Variants in SRGAP1 observed in about 807,000 individuals in gnomAD.
SRGAP1 encodes SLIT-ROBO Rho GTPase-activating protein 1.
SRGAP1 carries 43 observed loss-of-function variants against 121.9 expected under a neutral mutation model. The ratio of observed to expected loss-of-function variants is 0.35; its 90% CI spans 0.28 to 0.46. The LOEUF is 0.46. SRGAP1 is among the 20% of genes least tolerant of loss of function. SRGAP1 has a pLI of 1.00. For synonymous variants in SRGAP1, 447 were observed against 485.4 expected, an observed-to-expected ratio of 0.92 and a Z score of 1.04; for missense variants, 1,102 against 1,350.9, an observed-to-expected ratio of 0.82 and a Z score of 2.89.
chr12:64,089,980 A>T (rs1195861398), intron 11 of SRGAP1, among the ~76,000 whole-genome samples: 3 of 152,122 alleles, frequency 2.0e-5, no homozygotes, highest in African/African-American at 7.2e-5. Context: ...AAAAAGATAA[A>T]TTTTCCTAGA....
At chr12:64,006,419 G>A (rs568049920) in intron 3 of SRGAP1, among the ~76,000 whole-genome samples, 110 of 152,282 alleles carry the variant, frequency 7.2e-4, no homozygotes, top group Admixed American at 2.0e-3. Context: ...AGCCTATGGC[G>A]TGATGAAGGA....
At chr12:63,985,070 C>T (rs1377527471) in intron 2 of SRGAP1, among the ~76,000 whole-genome samples, 2 of 151,134 alleles carry the variant, frequency 1.3e-5, no homozygotes, top group Non-Finnish European at 2.9e-5. Flanking sequence ...CAGACAACTC[C>T]AGTGAAATAT....
intron 21 of SRGAP1, among the ~76,000 whole-genome samples, chr12:64,130,391 C>T (rs916589203): frequency 5.9e-5 from 9 of 152,182 alleles, no homozygotes; most frequent in South Asian, 2.1e-4. Context: ...CATAATGTCG[C>T]GGGAACAGGA....
chr12:64,015,090 TA>T (rs1366608212), intron 3 of SRGAP1, among the ~76,000 whole-genome samples: 3 of 152,186 alleles, frequency 2.0e-5, no homozygotes, highest in Non-Finnish European at 2.9e-5. Context: ...GTCCTGGGAT[TA>T]CAGGCATGAG....
chr12:64,086,762 G>A (rs1372083851), intron 10 of SRGAP1, among the ~76,000 whole-genome samples: 1 of 143,068 alleles, frequency 7.0e-6, no homozygotes, highest in African/African-American at 2.6e-5. Flanking sequence ...AAATTGCCAA[G>A]TGAAACATGA....
intron 1 of SRGAP1, among the ~76,000 whole-genome samples, chr12:63,973,291 C>A (rs1377461121): frequency 6.6e-6 from 1 of 152,276 alleles, no homozygotes; most frequent in South Asian, 2.1e-4. Context: ...GAAGCACAGG[C>A]CTGGGTCACT....
intron 1 of SRGAP1, among the ~76,000 whole-genome samples, chr12:63,866,116 C>T (rs1321279007): frequency 6.6e-6 from 1 of 152,124 alleles, no homozygotes; most frequent in Non-Finnish European, 1.5e-5. Flanking sequence ...TTTAGCTTTC[C>T]AATATGCTTC....
At chr12:63,959,539 C>A (rs911875554) in intron 1 of SRGAP1, among the ~76,000 whole-genome samples, 2 of 152,154 alleles carry the variant, frequency 1.3e-5, no homozygotes, top group African/African-American at 4.8e-5. Context: ...TGAGGATTTG[C>A]TGATAACGTT....
chr12:63,894,183 T>C (rs147463456), intron 1 of SRGAP1, among the ~76,000 whole-genome samples: 1 of 152,358 alleles, frequency 6.6e-6, no homozygotes, highest in African/African-American at 2.4e-5. Flanking sequence ...ACATTTGCTG[T>C]GTTCAAGGCA....
At chr12:64,052,790 A>G (rs1236555441) in intron 6 of SRGAP1, among the ~76,000 whole-genome samples, 1 of 152,132 alleles carries the variant, frequency 6.6e-6, no homozygotes, top group East Asian at 1.9e-4. Flanking sequence ...TATCTGTTGT[A>G]CAGAGTTCAG....
chr12:63,992,342 T>C (rs1311326170), intron 3 of SRGAP1, among the ~76,000 whole-genome samples: 1 of 152,148 alleles, frequency 6.6e-6, no homozygotes, highest in Non-Finnish European at 1.5e-5. Context: ...TCTTGGGAGA[T>C]CATTCCAGAG....
intron 1 of SRGAP1, among the ~76,000 whole-genome samples, chr12:63,975,948 C>G (rs936651899): frequency 6.6e-6 from 1 of 152,180 alleles, no homozygotes; most frequent in Admixed American, 6.5e-5. Context: ...AACCATACAA[C>G]TTACAAAGAA....
Position 63,931,563 on chromosome 12 carries a change from G to A in SRGAP1, c.68-52384G>A, listed in dbSNP as rs115265295. ...ATGCAAGGAACAAGACATATCATTT[G>A]AGAGATTTTCTGCTTGAATCACCAG... On this transcript the variant is annotated intron_variant, in intron 1 of 21. Coordinates refer to ENST00000355086, the MANE Select transcript of SRGAP1 (RefSeq NM_020762.4). 7.4e-3 allele frequency among the ~76,000 whole-genome samples: 1,126 copies of A among 152,246 alleles called. 15 individuals carry two copies. The highest frequency in any genetic ancestry group is 0.025 in the African/African-American group (1,039 of 41,542).
At chr12:63,859,352 A>G (rs1324319839) in intron 1 of SRGAP1, among the ~76,000 whole-genome samples, 1 of 152,012 alleles carries the variant, frequency 6.6e-6, no homozygotes, top group Non-Finnish European at 1.5e-5. Flanking sequence ...TAATTAGTAG[A>G]GATGGGGTTT....
intron 6 of SRGAP1, among the ~76,000 whole-genome samples, chr12:64,049,045 G>A (rs977875975): frequency 3.9e-5 from 6 of 152,150 alleles, no homozygotes; most frequent in Non-Finnish European, 8.8e-5. Flanking sequence ...GTTTGCCTCT[G>A]CCTCTAGGGT....
intron 6 of SRGAP1, among the ~76,000 whole-genome samples, chr12:64,053,154 T>C (rs1223476626): frequency 6.6e-6 from 1 of 152,244 alleles, no homozygotes. Context: ...CACATTGCCT[T>C]TGGCATTGGT....
At chr12:63,911,984 A>T (rs895067065) in intron 1 of SRGAP1, among the ~76,000 whole-genome samples, 1 of 152,176 alleles carries the variant, frequency 6.6e-6, no homozygotes, top group Non-Finnish European at 1.5e-5. Flanking sequence ...ATGATGTTGG[A>T]GAAATAGTGG....
chr12:64,044,869 G>T (rs1281945254), intron 6 of SRGAP1, among the ~76,000 whole-genome samples: 1 of 151,414 alleles, frequency 6.6e-6, no homozygotes, highest in African/African-American at 2.4e-5. Flanking sequence ...TAGTAGAGAT[G>T]GGCTTTCACC....
chr12:63,847,412 AT>A (rs1038543410), intron 1 of SRGAP1, among the ~76,000 whole-genome samples: 46 of 152,164 alleles, frequency 3.0e-4, no homozygotes, highest in Admixed American at 3.0e-3. Context: ...ATAAAAAAAA[AT>A]TCTGTTCTAT....
Sources: allele counts gnomAD v4.1 joint callset (sites outside exome capture counted in the v4.1 genomes callset), GRCh38; gene constraint gnomAD v4.1.1; transcripts MANE v1.5; gene names NCBI Gene and HGNC (gene_info 2026-07-23, HGNC 2026-07-21).